Variants in CUL9 observed in about 807,000 individuals in gnomAD.
CUL9 encodes cullin 9, also known as cullin-9.
In CUL9, 79 loss-of-function variants were observed where a neutral mutation model predicts 272.6. The ratio of observed to expected loss-of-function variants is 0.29; its 90% CI spans 0.24 to 0.35. The LOEUF is 0.35. Ranked by LOEUF, CUL9 falls within the 10% of genes least tolerant of loss-of-function variation. CUL9 has a pLI of 1.00. For missense variants in CUL9, 2,532 were observed against 3,255.6 expected, an observed-to-expected ratio of 0.78 and a Z score of 5.41; for synonymous variants, 1,186 against 1,286.5, an observed-to-expected ratio of 0.92 and a Z score of 1.67.
chr6:43,204,228 T>C (rs987858835), intron 20 of CUL9, 132 bp from the exon 21 acceptor site: 45 of 1,172,724 alleles, frequency 3.8e-5, no homozygotes, highest in Admixed American at 4.7e-5. Context: ...AAACAAACCT[T>C]GGTGAGGGGA....
In CUL9 at chr6:43,203,387, G is replaced by C. The variant is rs376070188; in HGVS notation, c.3850-30G>C. 30 of 1,611,404 alleles carry C rather than the reference G, an allele frequency of 1.9e-5. No homozygotes were observed. The highest frequency in any genetic ancestry group is 6.8e-6 in the Non-Finnish European group (8 of 1,178,746). ...TAGTACTTAGTGGCTCAAGCGGCTT[G>C]GGTGACAGATAAGTCTGTGCATGTT... On this transcript the variant is annotated intron_variant, in intron 18 of 40. Transcript: ENST00000252050. The surrounding 1 kb of genome is among the most constrained non-coding windows in gnomAD (Gnocchi z 5.0).
In CUL9 at chr6:43,191,253, TG is replaced by T. The variant is rs1175037215; in HGVS notation, c.2181-1747del. 9.8e-3 allele frequency among the ~76,000 whole-genome samples: 271 copies of T among 27,674 alleles called. 1 individual carries two copies. Among genetic ancestry groups the T allele is most frequent in the Non-Finnish European group, 0.015 (219 of 14,378 alleles). The allele number at this position is 27,674 out of a possible 152,430, so 18.2% of individuals were successfully genotyped here. ...ATAGCCAGGTGTCTCTAAATTGCAT[TG>T]TGTGTGTGTGTGTGTGTGTGTGTGT... On this transcript the variant is annotated intron_variant, in intron 8 of 40. Coordinates refer to ENST00000252050, the MANE Select transcript of CUL9 (RefSeq NM_015089.4).
intron 6 of CUL9, 96 bp from the exon 7 acceptor site, chr6:43,187,617 G>T (rs1014326739): frequency 1.4e-6 from 2 of 1,415,440 alleles, no homozygotes; most frequent in Non-Finnish European, 9.8e-7. Flanking sequence ...TGTAGAAGGT[G>T]TGGGGGCATG....
intron 26 of CUL9, among the ~76,000 whole-genome samples, chr6:43,208,753 A>C (rs1395979874): frequency 6.6e-6 from 1 of 152,138 alleles, no homozygotes; most frequent in East Asian, 1.9e-4. Flanking sequence ...AGAAGTTCTT[A>C]ATCTTTTGCA....
At position 43,187,850 on chromosome 6, in the gene CUL9, G is replaced by C; in HGVS notation, c.1719G>C (p.Gly573=). The change falls in exon 7 of 41, where the codon GGG becomes GGC. Residue 573 remains glycine (G), a synonymous_variant. Coordinates refer to ENST00000252050, the MANE Select transcript of CUL9 (RefSeq NM_015089.4). The part of the protein sequence containing the change: ...LLNSQIYTKY[G]LLSNEPSSSS... ...ACTCCCAGATCTACACCAAGTATGGGCTGCTGTCTAATGAACCAAGCAGCT... is the reference window on the plus strand; with the variant it reads ...ACTCCCAGATCTACACCAAGTATGGCCTGCTGTCTAATGAACCAAGCAGCT... 6.2e-7 allele frequency: 1 copy of C among 1,614,020 alleles called. No individual in the cohort carries two copies. The highest frequency in any genetic ancestry group is 8.5e-7 in the Non-Finnish European group (1 of 1,179,998).
chr6:43,184,860 C>A lies in CUL9; in HGVS notation c.550C>A (p.Arg184=). The A allele has an allele frequency of 6.2e-7, 1 of 1,604,338 alleles. No individual in the cohort carries two copies. Among genetic ancestry groups the A allele is most frequent in the Non-Finnish European group, 8.5e-7 (1 of 1,178,306 alleles). Residue 184 remains arginine, a synonymous_variant, in exon 2 of 41, where the codon CGG becomes AGG. Transcript: ENST00000252050. The surrounding 1 kb of genome is among the most constrained non-coding windows in gnomAD (Gnocchi z 4.8). ...MLCNPEPQIR[R]SAGKMLQALA... is the part of the protein sequence containing the mutation. ...ATGCAATCCTGAGCCTCAGATCCGC[C>A]GGAGTGCAGGCAAAATGCTGCAGGC...
chr6:43,182,660 T>A (rs981817644), intron 1 of CUL9, among the ~76,000 whole-genome samples: 1 of 152,096 alleles, frequency 6.6e-6, no homozygotes, highest in Non-Finnish European at 1.5e-5. Context: ...CATCCAGGCT[T>A]GCCCCCCATC....
At position 43,223,333 on chromosome 6, in the gene CUL9, C is replaced by G. The variant is rs368636666; in HGVS notation, c.7220C>G (p.Thr2407Arg). ...LRLLRADCLSTGMELLRRIQE... is the reference protein window; with the variant it reads ...LRLLRADCLSRGMELLRRIQE... Reference sequence around the variant, plus strand: ...CTCCTGCGGGCCGACTGCCTCAGCACGGGCATGGAGCTGCTCCGGCGGATC... The same window carrying G: ...CTCCTGCGGGCCGACTGCCTCAGCAGGGGCATGGAGCTGCTCCGGCGGATC... The change falls in exon 39 of 41, where the codon ACG (threonine) becomes AGG (arginine). Residue 2407 changes from threonine (T) to arginine (R), a missense_variant. Physicochemically the swap from Thr to Arg is moderately conservative, Grantham distance 71. Coordinates refer to ENST00000252050, the MANE Select transcript of CUL9 (RefSeq NM_015089.4). The surrounding 1 kb of genome is among the most constrained non-coding windows in gnomAD (Gnocchi z 4.1). 5.0e-6 allele frequency: 8 copies of G among 1,602,406 alleles called. No individual in the cohort carries two copies. Among genetic ancestry groups the G allele is most frequent in the Middle Eastern group, 1.7e-4 (1 of 5,992 alleles).
chr6:43,223,280 G>A lies in CUL9; in HGVS notation c.7167G>A (p.Arg2389=). 1.3e-6 allele frequency: 2 copies of A among 1,599,732 alleles called. No homozygotes were observed. The highest frequency in any genetic ancestry group is 1.7e-4 in the Middle Eastern group (1 of 5,820). ...CCTCTGCAGAGGAAACCCTGCTGCG[G>A]TGCAGAGACCTGGCCTCCTCCCTGC... The part of the protein sequence containing the change: ...LQILLEETLL[R]CRDLASSLRL... Residue 2389 remains arginine, a synonymous_variant, in exon 39 of 41, where the codon CGG becomes CGA. Coordinates refer to ENST00000252050, the MANE Select transcript of CUL9 (RefSeq NM_015089.4). This position sits in a 1 kb window ranked among gnomAD's most constrained non-coding sequence, Gnocchi z 4.1.
At chr6:43,186,854 GCGCCCCAGATCTATGCTT>G in intron 4 of CUL9, 88 bp from the exon 5 acceptor site, 1 of 1,360,786 alleles carries the variant, frequency 7.3e-7, no homozygotes, top group South Asian at 1.4e-5. Flanking sequence ...ATCTGAGGGT[GCGCCCCAGATCTATGCTT>G]GGGCATGTCC....
chr6:43,195,954 T>C, intron 9 of CUL9, 115 bp from the exon 10 acceptor site: 1 of 758,692 alleles, frequency 1.3e-6, no homozygotes, highest in South Asian at 1.8e-5. Context: ...TGTCTCCTAC[T>C]CTACCTATCT....
chr6:43,206,357 T>A lies in CUL9; in HGVS notation c.5059T>A (p.Phe1687Ile). 5 of 1,614,146 alleles carry A rather than the reference T, an allele frequency of 3.1e-6. No individual in the cohort carries two copies. The highest frequency in any genetic ancestry group is 2.5e-6 in the Non-Finnish European group (3 of 1,180,026). Residue 1687 changes from phenylalanine (F) to isoleucine (I), a missense_variant, in exon 26 of 41, where the codon TTT becomes ATT. Physicochemically the swap from Phe to Ile is conservative, Grantham distance 21. Transcript: ENST00000252050. The surrounding 1 kb of genome is among the most constrained non-coding windows in gnomAD (Gnocchi z 4.8). ...GGAAGAGGAAGCTGAGAAAGAATTATTTATCGAAGATCCAAGTCCAGCCAT... is the reference window on the plus strand; with the variant it reads ...GGAAGAGGAAGCTGAGAAAGAATTAATTATCGAAGATCCAAGTCCAGCCAT... The part of the protein sequence containing the change: ...EEEEEAEKEL[F>I]IEDPSPAISI...
chr6:43,188,969 G>A, intron 8 of CUL9: 1 of 350,318 alleles, frequency 2.9e-6, no homozygotes, highest in South Asian at 7.2e-5. Flanking sequence ...AGGAAGCGTT[G>A]GTAATATTAT....
Position 43,221,476 on chromosome 6 carries a change from C to G in CUL9, c.6752+155C>G. Reference sequence around the variant, plus strand: ...CAGCCTCCACGGTGACTTCCTGGATCTTAATGTTCCTTCTCCCACTCGTAA... The same window carrying G: ...CAGCCTCCACGGTGACTTCCTGGATGTTAATGTTCCTTCTCCCACTCGTAA... On this transcript the variant is annotated intron_variant, in intron 34 of 40. Transcript: ENST00000252050. This position sits in a 1 kb window ranked among gnomAD's most constrained non-coding sequence, Gnocchi z 4.2. The G allele has an allele frequency of 1.0e-6, 1 of 955,072 alleles. No individual in the cohort carries two copies. Among genetic ancestry groups the G allele is most frequent in the Non-Finnish European group, 1.5e-6 (1 of 653,810 alleles). The allele number at this position is 955,072 out of a possible 1,614,324, so 59.2% of individuals were successfully genotyped here. A position where few individuals can be genotyped will look rare whatever the true frequency, so the allele number is the denominator to read the frequency against.
chr6:43,221,878 C>A lies in CUL9; in HGVS notation c.6846+100C>A. 2.0e-6 allele frequency: 2 copies of A among 1,008,022 alleles called. No individual in the cohort carries two copies. The highest frequency in any genetic ancestry group is 2.9e-6 in the Non-Finnish European group (2 of 680,478). 62.4% of individuals were successfully genotyped at this position (1,008,022 alleles called of 1,614,324 possible). On this transcript the variant is annotated intron_variant, in intron 35 of 40. Coordinates refer to ENST00000252050, the MANE Select transcript of CUL9 (RefSeq NM_015089.4). The surrounding 1 kb of genome is among the most constrained non-coding windows in gnomAD (Gnocchi z 4.2). ...AGACAGGGCTCCTTGTGCAGTGCAG[C>A]ATTCTAGCTGTTGGGATAGAGGCTC...
Position 43,218,279 on chromosome 6 carries a change from C to T in CUL9, c.6282+1776C>T, listed in dbSNP as rs540201306. ...TCACCCAGGCTGCAGTGCAGTGGCG[C>T]GATCTCGGCTCATTGCAACCTCCAT... On this transcript the variant is annotated intron_variant, in intron 31 of 40. Coordinates refer to ENST00000252050, the MANE Select transcript of CUL9 (RefSeq NM_015089.4). This position sits in a 1 kb window ranked among gnomAD's most constrained non-coding sequence, Gnocchi z 4.4. Among the ~76,000 whole-genome samples, 84 of 152,160 alleles carry T rather than the reference C, an allele frequency of 5.5e-4. No homozygotes were observed. The highest frequency in any genetic ancestry group is 1.8e-3 in the African/African-American group (74 of 41,506).
chr6:43,183,821 TG>T (rs1444988635), intron 1 of CUL9, among the ~76,000 whole-genome samples: 2 of 151,990 alleles, frequency 1.3e-5, no homozygotes, highest in Non-Finnish European at 2.9e-5. Context: ...GGCGCGGTCT[TG>T]GCTCACTGCA....
Position 43,203,124 on chromosome 6 carries a change from T to C in CUL9, c.3769T>C (p.Ser1257Pro), listed in dbSNP as rs1425399087. Reference sequence around the variant, plus strand: ...GCCCTACCAGGTGAATGTGATGCCCTCTGCCAGCCGGGTGATCCTCTTGGA... The same window carrying C: ...GCCCTACCAGGTGAATGTGATGCCCCCTGCCAGCCGGGTGATCCTCTTGGA... Reference protein sequence around the residue: ...TELNTVNVMPSASRVILLENL... With the variant: ...TELNTVNVMPPASRVILLENL... The change falls in exon 18 of 41, where the codon TCT becomes CCT. Residue 1257 changes from serine (S) to proline (P), a missense_variant. Transcript: ENST00000252050. This position sits in a 1 kb window ranked among gnomAD's most constrained non-coding sequence, Gnocchi z 5.0. The C allele has an allele frequency of 7.4e-6, 12 of 1,613,448 alleles. No homozygotes were observed. The highest frequency in any genetic ancestry group is 8.5e-6 in the Non-Finnish European group (10 of 1,180,032).
rs1251301015 is a variant in CUL9, at chr6:43,205,409, T to G, written c.4779T>G (p.Phe1593Leu). 5.0e-6 allele frequency: 8 copies of G among 1,614,092 alleles called. No homozygotes were observed. The highest frequency in any genetic ancestry group is 6.8e-6 in the Non-Finnish European group (8 of 1,179,952). ...CTGGTCTGGAACTGGCCACAACTTT[T>G]GAGCACTTCTATCAGTGAGTGCAGG... The part of the protein sequence containing the change: ...VLSGLELATT[F>L]EHFYQHYMAD... The change falls in exon 24 of 41, where the codon TTT (phenylalanine) becomes TTG (leucine). Residue 1593 changes from phenylalanine (F) to leucine (L), a missense_variant. Coordinates refer to ENST00000252050, the MANE Select transcript of CUL9 (RefSeq NM_015089.4).
Sources: allele counts gnomAD v4.1 joint callset (sites outside exome capture counted in the v4.1 genomes callset), GRCh38; gene constraint gnomAD v4.1.1; non-coding constraint Gnocchi (gnomAD v3.1); transcripts MANE v1.5; gene names NCBI Gene and HGNC (gene_info 2026-07-23, HGNC 2026-07-21).